Variants in NCAM2 observed in about 807,000 individuals in gnomAD.
NCAM2 encodes the protein N-CAM-2.
A neutral mutation model predicts 98.1 loss-of-function variants in NCAM2; 30 were observed. That is an observed-to-expected ratio of 0.31 (90% CI 0.23 to 0.41). NCAM2 has a LOEUF of 0.41. Ranked by LOEUF, NCAM2 falls within the 10% of genes least tolerant of loss-of-function variation. NCAM2 has a pLI of 1.00. For missense variants in NCAM2, 867 were observed against 1,005.8 expected (o/e 0.86, Z 1.87); for synonymous variants, 368 against 342.4 (o/e 1.07, Z -0.83).
At chr21:21,096,716 A>G (rs1224521109) in intron 1 of NCAM2, among the ~76,000 whole-genome samples, 1 of 151,426 alleles carries the variant, frequency 6.6e-6, no homozygotes, top group Non-Finnish European at 1.5e-5. Context: ...TTTTAATATC[A>G]TGGAATATCT....
intron 1 of NCAM2, among the ~76,000 whole-genome samples, chr21:21,151,848 T>A (rs1403229695): frequency 6.6e-6 from 1 of 152,052 alleles, no homozygotes; most frequent in African/African-American, 2.4e-5. Context: ...TCTTATTTGT[T>A]CTTTTGTGCA....
intron 1 of NCAM2, among the ~76,000 whole-genome samples, chr21:21,218,723 G>C (rs1434164754): frequency 6.6e-6 from 1 of 152,146 alleles, no homozygotes; most frequent in African/African-American, 2.4e-5. Flanking sequence ...CCTTCAGAAA[G>C]GAACACAGCC....
chr21:21,308,357 T>A (rs1022203274), intron 5 of NCAM2, among the ~76,000 whole-genome samples: 3 of 152,128 alleles, frequency 2.0e-5, no homozygotes, highest in African/African-American at 4.8e-5. Context: ...AAACCTTTTT[T>A]TACTTTTATA....
At chr21:21,432,431 A>G in intron 12 of NCAM2, 150 bp downstream of exon 12, 1 of 669,914 alleles carries the variant, frequency 1.5e-6, no homozygotes. Flanking sequence ...TCTTCTTGAT[A>G]ATAACTCGAA....
intron 1 of NCAM2, among the ~76,000 whole-genome samples, chr21:21,265,169 T>C (rs1391304736): frequency 8.2e-6 from 1 of 121,348 alleles, no homozygotes; most frequent in Non-Finnish European, 1.6e-5. Context: ...CTTATATATA[T>C]TATATATGTA....
chr21:21,436,127 ATGT>A (rs1221552494), intron 12 of NCAM2, among the ~76,000 whole-genome samples: 4 of 152,346 alleles, frequency 2.6e-5, no homozygotes, highest in African/African-American at 9.6e-5. Flanking sequence ...ATGAAATGTG[ATGT>A]TAATAGTCAT....
intron 1 of NCAM2, among the ~76,000 whole-genome samples, chr21:21,134,821 C>T (rs567380861): frequency 1.3e-5 from 2 of 151,884 alleles, no homozygotes; most frequent in South Asian, 4.2e-4. Flanking sequence ...TCAAGGGATC[C>T]TCCCACCTCA....
At chr21:21,348,186 G>C (rs1196084141) in intron 8 of NCAM2, among the ~76,000 whole-genome samples, 1 of 152,078 alleles carries the variant, frequency 6.6e-6, no homozygotes, top group Admixed American at 6.5e-5. Context: ...CTTGTTTTTA[G>C]ATGACATGGT....
intron 1 of NCAM2, among the ~76,000 whole-genome samples, chr21:21,154,513 ATC>A (rs2067550450): frequency 6.6e-6 from 1 of 151,896 alleles, no homozygotes; most frequent in Non-Finnish European, 1.5e-5. Flanking sequence ...ATGATATGGT[ATC>A]TCATATTTTC....
chr21:21,405,032 C>G (rs1158316759), intron 9 of NCAM2, among the ~76,000 whole-genome samples: 1 of 151,742 alleles, frequency 6.6e-6, no homozygotes, highest in Non-Finnish European at 1.5e-5. Flanking sequence ...AAGTTTGTAA[C>G]TTTACCGGGA....
At chr21:21,437,799 A>T (rs981139436) in intron 12 of NCAM2, among the ~76,000 whole-genome samples, 3 of 152,134 alleles carry the variant, frequency 2.0e-5, no homozygotes, top group Non-Finnish European at 4.4e-5. Context: ...GTGGATTTGA[A>T]AAGATTTTCG....
chr21:21,532,862 A>C (rs1989782602), intron 16 of NCAM2, among the ~76,000 whole-genome samples: 1 of 152,058 alleles, frequency 6.6e-6, no homozygotes, highest in Admixed American at 6.5e-5. Context: ...GATCTTACTT[A>C]CTTGGGGCCC....
chr21:21,287,341 A>T (rs1349994037), intron 4 of NCAM2, among the ~76,000 whole-genome samples: 1 of 152,022 alleles, frequency 6.6e-6, no homozygotes, highest in Non-Finnish European at 1.5e-5. Context: ...AATCATGTTC[A>T]ATAGTCACTT....
chr21:21,286,165 T>C (rs893272269), intron 3 of NCAM2, 104 bp from the exon 4 acceptor site: 2 of 1,228,394 alleles, frequency 1.6e-6, no homozygotes. Context: ...TCCCTAATTA[T>C]TTTATTATAG....
chr21:21,494,731 G>A (rs1987094323), intron 15 of NCAM2, among the ~76,000 whole-genome samples: 1 of 151,846 alleles, frequency 6.6e-6, no homozygotes, highest in African/African-American at 2.4e-5. Context: ...TGTCAGTATA[G>A]ATAAGATAAT....
Position 21,286,391 on chromosome 21 carries a change from G to A in NCAM2, c.460G>A (p.Glu154Lys). ...TGTCAGCTGGTTGTATCATAATGAG[G>A]AAGTCACCACTATTTCCGACAGTTA... ...PAVSWLYHNE[E>K]VTTISDNRFA... Residue 154 changes from glutamate (E) to lysine (K), a missense_variant, in exon 4 of 18, where the codon GAA (glutamate) becomes AAA (lysine). Glu to Lys is a moderately conservative substitution (Grantham distance 56). Around this residue, in one of 5 missense-constraint regions of NCAM2, gnomAD observed 447 missense variants for 495.7 expected, o/e 0.90. Coordinates refer to ENST00000400546, the MANE Select transcript of NCAM2 (RefSeq NM_004540.5). The A allele has an allele frequency of 1.9e-6, 3 of 1,612,118 alleles. No homozygotes were observed. The highest frequency in any genetic ancestry group is 2.5e-6 in the Non-Finnish European group (3 of 1,178,792).
chr21:21,113,177 A>G (rs1197417955), intron 1 of NCAM2, among the ~76,000 whole-genome samples: 1 of 152,214 alleles, frequency 6.6e-6, no homozygotes, highest in Non-Finnish European at 1.5e-5. Context: ...TTTTCATGAT[A>G]ATGCTCACAC....
At chr21:21,161,578 TG>T (rs2067785585) in intron 1 of NCAM2, among the ~76,000 whole-genome samples, 1 of 151,650 alleles carries the variant, frequency 6.6e-6, no homozygotes, top group African/African-American at 2.4e-5. Context: ...TGTGTGTGTG[TG>T]TATGTGAGAG....
intron 16 of NCAM2, among the ~76,000 whole-genome samples, chr21:21,509,381 C>T (rs906408895): frequency 3.9e-5 from 6 of 152,092 alleles, no homozygotes; most frequent in African/African-American, 1.2e-4. Context: ...TTTATTCCAC[C>T]GGTTTTGTTT....
Sources: gnomAD v4.1 joint callset for allele counts (sites outside exome capture counted in the v4.1 genomes callset) on GRCh38, gnomAD v4.1.1 for gene constraint, gnomAD v4.1.1 regional missense constraint, MANE v1.5 for transcripts, NCBI Gene and HGNC (gene_info 2026-07-23, HGNC 2026-07-21) for gene names.